Variants in ACACB observed in about 807,000 individuals in gnomAD.
The protein encoded by ACACB is acetyl-CoA carboxylase 2.
Under a neutral mutation model 278.8 loss-of-function variants are expected in ACACB, and 209 were observed. The ratio of observed to expected loss-of-function variants is 0.75; its 90% CI spans 0.67 to 0.84. The LOEUF is 0.84. ACACB is among the 40% of genes least tolerant of loss of function. ACACB has a pLI of 0.00. For missense variants in ACACB, 2,850 were observed against 3,269.0 expected (o/e 0.87, Z 3.13); for synonymous variants, 1,174 against 1,285.6 (o/e 0.91, Z 1.86).
At chr12:109,262,758 C>A (rs1450411405) in intron 49 of ACACB, among the ~76,000 whole-genome samples, 1 of 151,274 alleles carries the variant, frequency 6.6e-6, no homozygotes, top group South Asian at 2.1e-4. Flanking sequence ...GCTGGGACTA[C>A]AAGTACGCAA....
chr12:109,227,408 A>G lies in ACACB; in HGVS notation c.3920A>G (p.Asn1307Ser). 2.5e-6 allele frequency: 4 copies of G among 1,613,510 alleles called. No homozygotes were observed. Among genetic ancestry groups the G allele is most frequent in the Non-Finnish European group, 3.4e-6 (4 of 1,179,770 alleles). Residue 1307 changes from asparagine to serine, a missense_variant, in exon 28 of 53, where the codon AAC becomes AGC. Asn to Ser is a conservative substitution (Grantham distance 46). Transcript: ENST00000338432. ...VRRGYIAYEL[N>S]SLQHRQLPDG... ...AGGGGCTACATCGCCTATGAGTTAAACAGCCTGCAGCACCGGCAGCTCCCG... is the reference window on the plus strand; with the variant it reads ...AGGGGCTACATCGCCTATGAGTTAAGCAGCCTGCAGCACCGGCAGCTCCCG...
chr12:109,115,813 T>C (rs925612326), upstream of ACACB, among the ~76,000 whole-genome samples: 1 of 152,244 alleles, frequency 6.6e-6, no homozygotes, highest in African/African-American at 2.4e-5. Context: ...GATCCCGTGC[T>C]CAGCGCTCTC....
intron 1 of ACACB, among the ~76,000 whole-genome samples, chr12:109,130,651 C>A (rs574987750): frequency 5.9e-5 from 9 of 152,300 alleles, no homozygotes; most frequent in African/African-American, 2.2e-4. Flanking sequence ...ATCTGTGACA[C>A]CCCAGATCTA....
chr12:109,245,531 C>T (rs1593689802), intron 37 of ACACB, 95 bp from the exon 38 acceptor site: 1 of 1,339,848 alleles, frequency 7.5e-7, no homozygotes. Context: ...CTACAGAATT[C>T]ACCCTGGAAT....
At chr12:109,242,300 C>T (rs1045903984) in intron 36 of ACACB, 137 bp from the exon 37 acceptor site, 1 of 951,562 alleles carries the variant, frequency 1.1e-6, no homozygotes, top group African/African-American at 1.6e-5. Context: ...TTTACGTAGC[C>T]CAGGCACTCA....
chr12:109,211,364 T>C (rs1348797135), intron 21 of ACACB, among the ~76,000 whole-genome samples: 6 of 133,048 alleles, frequency 4.5e-5, no homozygotes, highest in Non-Finnish European at 8.1e-5. Flanking sequence ...TTTTTTTTTT[T>C]GAGACCTCCC....
intron 19 of ACACB, among the ~76,000 whole-genome samples, chr12:109,206,198 G>A (rs2045502144): frequency 6.6e-6 from 1 of 152,060 alleles, no homozygotes; most frequent in Admixed American, 6.6e-5. Flanking sequence ...CACTTTGGGA[G>A]GCCAAGGCGG....
At chr12:109,132,406 C>T (rs906725880) in intron 1 of ACACB, among the ~76,000 whole-genome samples, 3 of 152,048 alleles carry the variant, frequency 2.0e-5, no homozygotes, top group Non-Finnish European at 4.4e-5. Context: ...TTCAGGTGAT[C>T]CACCTGCCTC....
intron 36 of ACACB, 48 bp downstream of exon 36, chr12:109,241,329 C>A: frequency 6.4e-7 from 1 of 1,563,324 alleles, no homozygotes. Flanking sequence ...CAGAAGCAGG[C>A]TGCTTGGGCC....
chr12:109,125,062 C>G (rs2042645269), intron 1 of ACACB, among the ~76,000 whole-genome samples: 1 of 152,124 alleles, frequency 6.6e-6, no homozygotes, highest in Non-Finnish European at 1.5e-5. Context: ...CATTTGCTTA[C>G]CCTGAAATAC....
At chr12:109,171,583 C>T (rs1191430942) in intron 4 of ACACB, among the ~76,000 whole-genome samples, 1 of 152,158 alleles carries the variant, frequency 6.6e-6, no homozygotes, top group African/African-American at 2.4e-5. Flanking sequence ...CTCCTGGCCT[C>T]AGGCCATCTG....
In ACACB at chr12:109,255,988, G is replaced by C; in HGVS notation, c.6167-152G>C. 5.1e-6 allele frequency: 3 copies of C among 585,264 alleles called. No homozygotes were observed. In the South Asian group the frequency reaches 6.3e-5, roughly 12 times the overall value. The allele number at this position is 585,264 out of a possible 1,614,324, so 36.3% of individuals were successfully genotyped here. A position where few individuals can be genotyped will look rare whatever the true frequency, so the allele number is the denominator to read the frequency against. ...GAGGCATTTTGGGAAGGAGGGAAGG[G>C]GTTGGGCTGTGTGGTTTTAGGTAGA... On this transcript the variant is annotated intron_variant, in intron 44 of 52. Transcript: ENST00000338432.
At chr12:109,194,748 C>G (rs1253180898) in intron 16 of ACACB, among the ~76,000 whole-genome samples, 1 of 152,054 alleles carries the variant, frequency 6.6e-6, no homozygotes, top group Non-Finnish European at 1.5e-5. Flanking sequence ...ATGATTTCAT[C>G]TTAATTACAT....
intron 34 of ACACB, among the ~76,000 whole-genome samples, chr12:109,239,609 A>C (rs1010661820): frequency 1.3e-5 from 2 of 152,248 alleles, no homozygotes; most frequent in Non-Finnish European, 2.9e-5. Context: ...CAGGTGTCAA[A>C]GTGTCAGAAT....
At chr12:109,220,612 C>T (rs924052944) in intron 24 of ACACB, among the ~76,000 whole-genome samples, 8 of 152,216 alleles carry the variant, frequency 5.3e-5, no homozygotes, top group South Asian at 2.1e-4. Flanking sequence ...AGTGCAGTGG[C>T]GCAATCTCGG....
At chr12:109,190,107 G>T (rs112197093) in intron 13 of ACACB, among the ~76,000 whole-genome samples, 15,927 of 151,676 alleles carry the variant, frequency 0.11, 1,922 homozygotes, top group African/African-American at 0.29. Flanking sequence ...GTGAAGCTCC[G>T]TCTCAAAAAA....
chr12:109,248,482 G>A (rs963486291), intron 40 of ACACB, among the ~76,000 whole-genome samples: 6 of 152,178 alleles, frequency 3.9e-5, no homozygotes, highest in Non-Finnish European at 8.8e-5. Context: ...AGCCTTCAGT[G>A]GCCAAAGGCC....
chr12:109,111,666 C>A (rs992687909), upstream of ACACB, among the ~76,000 whole-genome samples: 1 of 151,970 alleles, frequency 6.6e-6, no homozygotes, highest in East Asian at 1.9e-4. Flanking sequence ...AGCAATCCTC[C>A]CACCTCAGCC....
intron 26 of ACACB, among the ~76,000 whole-genome samples, chr12:109,223,609 A>C (rs1019230955): frequency 1.1e-4 from 16 of 152,160 alleles, no homozygotes; most frequent in South Asian, 2.1e-4. Context: ...TAGACACACA[A>C]AAAAAAGAGC....
Sources: gnomAD v4.1 joint callset for allele counts (sites outside exome capture counted in the v4.1 genomes callset) on GRCh38, gnomAD v4.1.1 for gene constraint, MANE v1.5 for transcripts, NCBI Gene and HGNC (gene_info 2026-07-23, HGNC 2026-07-21) for gene names.